The following LARGE1 variants were observed in gnomAD, a reference collection of about 807,000 sequenced individuals.
The protein encoded by LARGE1 is xylosyl- and glucuronyltransferase LARGE1.
Under a neutral mutation model 87.6 loss-of-function variants are expected in LARGE1, and 43 were observed. That is an observed-to-expected ratio of 0.49 (90% CI 0.38 to 0.63). LARGE1 has a LOEUF of 0.63. Among genes scored for constraint, LARGE1 ranks in the 30% least tolerant of loss-of-function variants. The probability of loss-of-function intolerance (pLI) is 0.00; values close to 1 mark genes in which losing one functional copy is unlikely to be tolerated. For synonymous variants in LARGE1, 434 were observed against 394.6 expected (o/e 1.10, Z -1.18); for missense variants, 802 against 1,000.2 (o/e 0.80, Z 2.67).
chr22:33,178,027 C>T (rs1425201671), intron 11 of LARGE1, among the ~76,000 whole-genome samples: 3 of 152,190 alleles, frequency 2.0e-5, no homozygotes, highest in African/African-American at 7.2e-5. Flanking sequence ...TTGCGAGATT[C>T]CTGAAGCCTC....
intron 6 of LARGE1, among the ~76,000 whole-genome samples, chr22:33,480,957 CTTAAAT>C (rs2069294618): frequency 6.6e-6 from 1 of 152,052 alleles, no homozygotes; most frequent in South Asian, 2.1e-4. Context: ...AATTTAACAA[CTTAAAT>C]TTAAATTTAT....
intron 2 of LARGE1, among the ~76,000 whole-genome samples, chr22:33,683,170 G>A (rs933678755): frequency 6.6e-6 from 1 of 152,370 alleles, no homozygotes; most frequent in Non-Finnish European, 1.5e-5. Context: ...GTGTGCCTGT[G>A]AGAGTATTTC....
chr22:33,647,166 T>G (rs542432409), intron 3 of LARGE1, among the ~76,000 whole-genome samples: 1 of 152,344 alleles, frequency 6.6e-6, no homozygotes, highest in East Asian at 1.9e-4. Flanking sequence ...TGGATACACA[T>G]TTTTGATATG....
intron 3 of LARGE1, among the ~76,000 whole-genome samples, chr22:33,647,706 C>T (rs2080661409): frequency 6.6e-6 from 1 of 152,160 alleles, no homozygotes; most frequent in African/African-American, 2.4e-5. Context: ...TTAGAATTTC[C>T]CTCAAGTTCC....
the LARGE1 span, among the ~76,000 whole-genome samples, chr22:33,154,995 T>C: frequency 6.6e-6 from 1 of 152,226 alleles, no homozygotes; most frequent in Non-Finnish European, 1.5e-5. Flanking sequence ...TCTGCTGCCA[T>C]GTGAGATGTG....
intron 6 of LARGE1, among the ~76,000 whole-genome samples, chr22:33,466,217 G>C (rs2068601432): frequency 6.6e-6 from 1 of 152,146 alleles, no homozygotes; most frequent in South Asian, 2.1e-4. Flanking sequence ...GCGCCTTTCT[G>C]TGTTTCCAGC....
intron 7 of LARGE1, among the ~76,000 whole-genome samples, chr22:33,393,719 C>A (rs1397819898): frequency 1.3e-5 from 2 of 152,234 alleles, no homozygotes; most frequent in African/African-American, 4.8e-5. Context: ...TTGGAGCAAG[C>A]CCCTTGCCCC....
At chr22:33,809,555 C>G (rs2086426120) in intron 1 of LARGE1, among the ~76,000 whole-genome samples, 1 of 152,210 alleles carries the variant, frequency 6.6e-6, no homozygotes, top group Non-Finnish European at 1.5e-5. Context: ...GCCTCACATT[C>G]TGCATGTCTA....
intron 6 of LARGE1, among the ~76,000 whole-genome samples, chr22:33,442,802 T>C (rs1461937483): frequency 6.6e-6 from 1 of 151,664 alleles, no homozygotes; most frequent in Non-Finnish European, 1.5e-5. Flanking sequence ...AGCTTTTTTT[T>C]TTTTTTTTGA....
At chr22:33,253,728 C>G (rs1301198816) in intron 11 of LARGE1, among the ~76,000 whole-genome samples, 2 of 152,202 alleles carry the variant, frequency 1.3e-5, no homozygotes, top group South Asian at 2.1e-4. Context: ...AGCAGCACCT[C>G]GTGCAGCACT....
intron 6 of LARGE1, among the ~76,000 whole-genome samples, chr22:33,502,242 C>T (rs372839080): frequency 3.3e-5 from 5 of 151,158 alleles, no homozygotes; most frequent in African/African-American, 4.9e-5. Flanking sequence ...AGGTGACACA[C>T]TCCCCAGGCA....
chr22:33,231,989 G>A (rs753258026), intron 11 of LARGE1, among the ~76,000 whole-genome samples: 19 of 152,190 alleles, frequency 1.2e-4, no homozygotes, highest in Non-Finnish European at 2.1e-4. Flanking sequence ...GGAAAGAATT[G>A]TATGTATGTC....
At chr22:33,797,135 A>G (rs2267288) in intron 1 of LARGE1, among the ~76,000 whole-genome samples, 41,140 of 151,932 alleles carry the variant, frequency 0.27, 6,381 homozygotes, top group South Asian at 0.41. Flanking sequence ...AAAGAACATC[A>G]GGGACAGAAG....
intron 1 of LARGE1, among the ~76,000 whole-genome samples, chr22:33,773,458 A>G (rs2085135506): frequency 6.6e-6 from 1 of 151,204 alleles, no homozygotes; most frequent in African/African-American, 2.4e-5. Flanking sequence ...CTTCAGAACC[A>G]CTGTGGTGTC....
chr22:33,297,286 A>G (rs1310088172), intron 12 of LARGE1, among the ~76,000 whole-genome samples: 1 of 152,192 alleles, frequency 6.6e-6, no homozygotes, highest in Non-Finnish European at 1.5e-5. Flanking sequence ...GTGTCAGAAT[A>G]CAGTCTCTAC....
intron 11 of LARGE1, among the ~76,000 whole-genome samples, chr22:33,251,549 G>A (rs1479786204): frequency 6.6e-6 from 1 of 151,988 alleles, no homozygotes; most frequent in Non-Finnish European, 1.5e-5. Flanking sequence ...AGATTCTCCT[G>A]GCCTGAAGAT....
At chr22:33,847,179 G>C (rs1450427890) in intron 1 of LARGE1, among the ~76,000 whole-genome samples, 2 of 152,122 alleles carry the variant, frequency 1.3e-5, no homozygotes, top group Non-Finnish European at 2.9e-5. Flanking sequence ...CCGACGCTTA[G>C]GAAAATAGAA....
At chr22:33,327,464 C>G (rs1937340770) in intron 10 of LARGE1, among the ~76,000 whole-genome samples, 1 of 152,196 alleles carries the variant, frequency 6.6e-6, no homozygotes, top group Non-Finnish European at 1.5e-5. Flanking sequence ...ACCCCTTTAA[C>G]TTTCCTCAAA....
At chr22:33,824,642 T>G (rs1031712175) in intron 1 of LARGE1, among the ~76,000 whole-genome samples, 1 of 151,974 alleles carries the variant, frequency 6.6e-6, no homozygotes, top group Non-Finnish European at 1.5e-5. Context: ...TGGAACCACA[T>G]GACCCCCACT....
Sources: gnomAD v4.1 joint callset for allele counts (sites outside exome capture counted in the v4.1 genomes callset) on GRCh38, gnomAD v4.1.1 for gene constraint, MANE v1.5 for transcripts, NCBI Gene and HGNC (gene_info 2026-07-23, HGNC 2026-07-21) for gene names.